Variants in TEX14 observed in about 807,000 individuals in gnomAD.
TEX14 encodes the protein inactive serine/threonine-protein kinase TEX14.
A neutral mutation model predicts 178.6 loss-of-function variants in TEX14; 168 were observed. The ratio of observed to expected loss-of-function variants is 0.94; its 90% CI spans 0.83 to 1.07. The LOEUF is 1.07. Among genes scored for constraint, TEX14 ranks in the 50% least tolerant of loss-of-function variants. TEX14 has a pLI of 0.00. For synonymous variants in TEX14, 626 were observed against 634.1 expected (o/e 0.99, Z 0.19); for missense variants, 1,730 against 1,753.6 (o/e 0.99, Z 0.24).
At chr17:58,659,288 C>T (rs981799110) in intron 1 of TEX14, 2 of 955,280 alleles carry the variant, frequency 2.1e-6, no homozygotes, top group Non-Finnish European at 2.5e-6. Context: ...CAGCGTCTCT[C>T]CCCCGCCACA....
At chr17:58,629,064 G>T (rs1362687816) in intron 3 of TEX14, among the ~76,000 whole-genome samples, 1 of 152,050 alleles carries the variant, frequency 6.6e-6, no homozygotes, top group Non-Finnish European at 1.5e-5. Flanking sequence ...CTGTTTAATG[G>T]GAACTGAAAA....
At chr17:58,630,076 G>A (rs1165210233) in intron 3 of TEX14, among the ~76,000 whole-genome samples, 1 of 145,030 alleles carries the variant, frequency 6.9e-6, no homozygotes, top group Non-Finnish European at 1.5e-5. Context: ...TTTATTTTGA[G>A]ACTGAGTCTC....
intron 1 of TEX14, among the ~76,000 whole-genome samples, chr17:58,683,550 G>A (rs2047538194): frequency 7.1e-6 from 1 of 140,678 alleles, no homozygotes; most frequent in Non-Finnish European, 1.5e-5. Flanking sequence ...ATAACCTGAG[G>A]TCAGGAGTTC....
chr17:58,677,469 T>G (rs1439200715), intron 1 of TEX14: 1 of 152,158 alleles, frequency 6.6e-6, no homozygotes, highest in Non-Finnish European at 1.5e-5. Flanking sequence ...AGCTTCTCAC[T>G]TCCATGGAAA....
chr17:58,579,893 A>C (rs2144392131), intron 19 of TEX14, among the ~76,000 whole-genome samples, 162 bp from the exon 20 acceptor site: 2 of 152,280 alleles, frequency 1.3e-5, no homozygotes, highest in Middle Eastern at 6.8e-3. Context: ...TTAAGTACTT[A>C]TTTGTATCAT....
Position 58,611,146 on chromosome 17 carries a change from C to A in TEX14, c.1184+15G>T. Reference sequence around the variant, plus strand: ...ATCAACTTCAGGAGAAAGTCCCACTCCATGTTATGCCCACCTTTCCAACAT... The same window carrying A: ...ATCAACTTCAGGAGAAAGTCCCACTACATGTTATGCCCACCTTTCCAACAT... On this transcript the variant is annotated intron_variant, in intron 10 of 31. Coordinates refer to ENST00000349033, the MANE Select transcript of TEX14 (RefSeq NM_031272.5). 1.9e-6 allele frequency: 3 copies of A among 1,606,146 alleles called. No individual in the cohort carries two copies. The highest frequency in any genetic ancestry group is 1.3e-5 in the African/African-American group (1 of 74,892).
intron 25 of TEX14, 132 bp downstream of exon 25, chr17:58,570,253 G>T: frequency 2.0e-6 from 1 of 508,074 alleles, no homozygotes; most frequent in Non-Finnish European, 3.4e-6. Context: ...CCTACAATGA[G>T]TGTGTTTTAC....
chr17:58,651,524 T>G (rs184156563), intron 2 of TEX14, among the ~76,000 whole-genome samples: 1 of 152,164 alleles, frequency 6.6e-6, no homozygotes, highest in African/African-American at 2.4e-5. Flanking sequence ...CTGGCCTCCT[T>G]AGTCAACCAC....
chr17:58,657,502 CTTTTTTTTTTTTTTTTTTT>C (rs35359604), intron 1 of TEX14, among the ~76,000 whole-genome samples: 1 of 51,352 alleles, frequency 1.9e-5, no homozygotes, highest in Non-Finnish European at 3.7e-5. Context: ...ACGGGAAATG[CTTTTTTTTTTTTTTTTTTT>C]TTTTTTTTTT....
intron 5 of TEX14, among the ~76,000 whole-genome samples, chr17:58,618,606 C>T (rs186221): frequency 0.24 from 36,504 of 152,222 alleles, 5,292 homozygotes; most frequent in Middle Eastern, 0.41. Flanking sequence ...GAAAAAAGAT[C>T]CTACTGCCAC....
chr17:58,600,817 A>G (rs1013925728), intron 13 of TEX14, among the ~76,000 whole-genome samples: 11 of 152,150 alleles, frequency 7.2e-5, no homozygotes, highest in Admixed American at 5.9e-4. Flanking sequence ...CCAGTTCTAT[A>G]ACAAGTTCTC....
intron 3 of TEX14, among the ~76,000 whole-genome samples, chr17:58,629,830 G>A (rs1438607824): frequency 6.8e-6 from 1 of 146,910 alleles, no homozygotes; most frequent in Non-Finnish European, 1.5e-5. Flanking sequence ...GCTAGACTCC[G>A]TCTGAAAAAA....
At chr17:58,584,030 G>A (rs776088803) in intron 19 of TEX14, among the ~76,000 whole-genome samples, 10 of 152,166 alleles carry the variant, frequency 6.6e-5, no homozygotes, top group Admixed American at 2.0e-4. Context: ...CAGTGGAAAC[G>A]CATATAGATC....
chr17:58,598,155 A>G (rs1004934734), intron 14 of TEX14, among the ~76,000 whole-genome samples: 3 of 151,980 alleles, frequency 2.0e-5, no homozygotes, highest in African/African-American at 7.2e-5. Flanking sequence ...TCTCTATTAA[A>G]AATACAAAAT....
At chr17:58,599,991 T>C (rs778654251) in intron 13 of TEX14, among the ~76,000 whole-genome samples, 5 of 152,114 alleles carry the variant, frequency 3.3e-5, no homozygotes, top group Non-Finnish European at 7.4e-5. Flanking sequence ...TAGAGGCCCC[T>C]GAATCTTGTT....
At chr17:58,615,418 T>C in intron 7 of TEX14, 73 bp from the exon 8 acceptor site, 1 of 938,676 alleles carries the variant, frequency 1.1e-6, no homozygotes, top group Admixed American at 1.8e-5. Flanking sequence ...TAAGCTTTCC[T>C]AAGCAAGGAC....
chr17:58,617,215 C>A (rs984214105), intron 6 of TEX14, among the ~76,000 whole-genome samples: 1 of 152,054 alleles, frequency 6.6e-6, no homozygotes, highest in Non-Finnish European at 1.5e-5. Context: ...CGCGCCACTG[C>A]ACTCCAGCCT....
At chr17:58,603,636 C>T (rs1225357775) in intron 11 of TEX14, among the ~76,000 whole-genome samples, 5 of 150,818 alleles carry the variant, frequency 3.3e-5, no homozygotes, top group East Asian at 2.0e-4. Flanking sequence ...GGGCGGATCA[C>T]GAGGTCAGGA....
At chr17:58,690,155 G>GT (rs576472986) in intron 1 of TEX14, among the ~76,000 whole-genome samples, 50 of 150,182 alleles carry the variant, frequency 3.3e-4, no homozygotes, top group African/African-American at 1.0e-3. Context: ...GGGTTTTTTT[G>GT]TTTTTTTTAT....
Sources: allele counts gnomAD v4.1 joint callset (sites outside exome capture counted in the v4.1 genomes callset), GRCh38; gene constraint gnomAD v4.1.1; transcripts MANE v1.5; gene names NCBI Gene and HGNC (gene_info 2026-07-23, HGNC 2026-07-21).